Variants in CSMD2 observed in about 807,000 individuals in gnomAD.
CSMD2 encodes CUB and Sushi multiple domains 2, also known as CUB and sushi domain-containing protein 2.
In CSMD2, 130 loss-of-function variants were observed where a neutral mutation model predicts 398.5. The ratio of observed to expected loss-of-function variants is 0.33; its 90% CI spans 0.28 to 0.38. CSMD2 has a LOEUF of 0.38. CSMD2 is among the 10% of genes least tolerant of loss of function. The pLI is 1.00. For missense variants in CSMD2, 3,829 were observed against 4,764.9 expected (o/e 0.80, Z 5.78); for synonymous variants, 1,828 against 1,908.5 (o/e 0.96, Z 1.10).
chr1:33,557,617 GACACACACACACACAC>G (rs10579079), intron 55 of CSMD2, 101 bp downstream of exon 55: 273 of 661,336 alleles, frequency 4.1e-4, no homozygotes, highest in African/African-American at 3.3e-3. Context: ...TACATGTGCA[GACACACACACACACAC>G]ACACACACAC....
At chr1:34,141,020 G>C (rs1236396100) in intron 1 of CSMD2, among the ~76,000 whole-genome samples, 1 of 151,966 alleles carries the variant, frequency 6.6e-6, no homozygotes, top group Non-Finnish European at 1.5e-5. Flanking sequence ...TTCCTCCTGT[G>C]AATATAGGGC....
At chr1:33,770,935 C>T (rs1048683132) in intron 13 of CSMD2, among the ~76,000 whole-genome samples, 3 of 152,202 alleles carry the variant, frequency 2.0e-5, no homozygotes, top group African/African-American at 7.2e-5. Flanking sequence ...TGTTATAAAC[C>T]TGCTCCTAAG....
intron 25 of CSMD2, among the ~76,000 whole-genome samples, chr1:33,667,296 A>G (rs1190279532): frequency 6.6e-6 from 1 of 152,214 alleles, no homozygotes; most frequent in Non-Finnish European, 1.5e-5. Context: ...AATAGACATG[A>G]AGGAAAACGT....
chr1:33,848,563 C>G (rs1160723077), intron 5 of CSMD2, among the ~76,000 whole-genome samples: 1 of 152,132 alleles, frequency 6.6e-6, no homozygotes, highest in Non-Finnish European at 1.5e-5. Flanking sequence ...GGAAGACATC[C>G]AGCATAGTGG....
intron 2 of CSMD2, among the ~76,000 whole-genome samples, chr1:34,072,050 C>T (rs1655786504): frequency 6.6e-6 from 1 of 152,190 alleles, no homozygotes; most frequent in Non-Finnish European, 1.5e-5. Flanking sequence ...GGGACAGAAC[C>T]CAGCTCTCCA....
At chr1:34,100,664 A>C (rs1371745652) in intron 1 of CSMD2, among the ~76,000 whole-genome samples, 1 of 152,188 alleles carries the variant, frequency 6.6e-6, no homozygotes, top group Non-Finnish European at 1.5e-5. Flanking sequence ...CAGCATTTTA[A>C]ATGGATGCAC....
intron 25 of CSMD2, among the ~76,000 whole-genome samples, chr1:33,681,951 G>C (rs942412790): frequency 6.6e-6 from 1 of 152,186 alleles, no homozygotes; most frequent in African/African-American, 2.4e-5. Flanking sequence ...GGGCAACAGA[G>C]CGAGACTCCA....
intron 52 of CSMD2, 29 bp downstream of exon 52, chr1:33,569,345 G>T: frequency 6.3e-7 from 1 of 1,590,496 alleles, no homozygotes; most frequent in Non-Finnish European, 8.6e-7. Context: ...AGAAAAACTG[G>T]GCAGGATAGG....
chr1:33,934,747 G>A (rs1444384455), intron 4 of CSMD2, among the ~76,000 whole-genome samples: 1 of 150,862 alleles, frequency 6.6e-6, no homozygotes, highest in Non-Finnish European at 1.5e-5. Flanking sequence ...TGTAATCTCA[G>A]CACTTTGGGA....
chr1:33,830,133 A>G (rs1263261107), intron 6 of CSMD2, among the ~76,000 whole-genome samples: 3 of 152,208 alleles, frequency 2.0e-5, no homozygotes, highest in Non-Finnish European at 2.9e-5. Flanking sequence ...AAATGCCCCC[A>G]TCTGACAGCT....
At position 33,658,112 on chromosome 1, in the gene CSMD2, G is replaced by A. The variant is rs1365526667; in HGVS notation, c.4281C>T (p.Asp1427=). The part of the protein sequence containing the change: ...FSVSTATSCN[D]PGIPQNGSRS... ...GACTCCCATTCTGCGGGATCCCAGG[G>A]TCATTGCAGGACGTTGCTGTGGACA... The change falls in exon 27 of 71, where the codon GAC becomes GAT. Residue 1427 remains aspartate (D), a synonymous_variant. Transcript: ENST00000373381. The A allele has an allele frequency of 6.2e-7, 1 of 1,614,122 alleles. No individual in the cohort carries two copies. Among genetic ancestry groups the A allele is most frequent in the Non-Finnish European group, 8.5e-7 (1 of 1,180,000 alleles).
At chr1:33,665,564 G>A (rs754999218) in intron 25 of CSMD2, among the ~76,000 whole-genome samples, 2 of 148,734 alleles carry the variant, frequency 1.3e-5, no homozygotes, top group Non-Finnish European at 3.0e-5. Context: ...TGAGTAGCTG[G>A]GACCACAGTT....
intron 5 of CSMD2, among the ~76,000 whole-genome samples, chr1:33,861,709 G>A (rs1639524603): frequency 6.6e-6 from 1 of 152,224 alleles, no homozygotes; most frequent in South Asian, 2.1e-4. Context: ...TGAGGGCAGA[G>A]TGTGGGAAAG....
chr1:33,614,542 A>C lies in CSMD2; in HGVS notation c.6095T>G (p.Met2032Arg), dbSNP rs200604869. ...PGFPGNYPSN[M>R]DCSWKIALPV... ...CAGTGCTATTTTCCAGGAGCAGTCC[A>C]TGTTACTGGGGTAGTTGCCTGGGAA... The change falls in exon 40 of 71, where the codon ATG (methionine) becomes AGG (arginine). Residue 2032 changes from methionine to arginine, a missense_variant. Met to Arg is a moderately conservative substitution (Grantham distance 91). Around this residue, in one of 5 missense-constraint regions of CSMD2, gnomAD observed 2,001 missense variants for 2,567.1 expected, o/e 0.78. Transcript: ENST00000373381. The C allele has an allele frequency of 7.3e-5, 118 of 1,612,630 alleles. No homozygotes were observed. In the East Asian group the frequency reaches 2.6e-3, roughly 35 times the overall value.
intron 67 of CSMD2, among the ~76,000 whole-genome samples, chr1:33,521,923 A>G (rs1374149944): frequency 6.6e-6 from 1 of 152,194 alleles, no homozygotes; most frequent in East Asian, 1.9e-4. Context: ...TATAGGCCTT[A>G]CATGCATGGT....
chr1:33,716,195 C>A, intron 20 of CSMD2, 91 bp downstream of exon 20: 1 of 1,088,340 alleles, frequency 9.2e-7, no homozygotes, highest in Non-Finnish European at 1.4e-6. Context: ...GGATTAATAT[C>A]TATCTGCTAG....
chr1:33,852,494 C>T (rs1460096181), intron 5 of CSMD2, among the ~76,000 whole-genome samples: 1 of 152,228 alleles, frequency 6.6e-6, no homozygotes, highest in Non-Finnish European at 1.5e-5. Context: ...ATTCCCTCTA[C>T]CTGTAATGCC....
intron 19 of CSMD2, among the ~76,000 whole-genome samples, 166 bp from the exon 20 acceptor site, chr1:33,716,667 T>C (rs1646181442): frequency 6.6e-6 from 1 of 152,226 alleles, no homozygotes; most frequent in Non-Finnish European, 1.5e-5. Context: ...TGAAGGAACC[T>C]GAACACACAA....
At chr1:33,741,693 T>C (rs1441428607) in intron 14 of CSMD2, among the ~76,000 whole-genome samples, 2 of 152,180 alleles carry the variant, frequency 1.3e-5, no homozygotes, top group Non-Finnish European at 2.9e-5. Context: ...ATTTTTACAA[T>C]GGTAGAGAAA....
Sources: allele counts gnomAD v4.1 joint callset (sites outside exome capture counted in the v4.1 genomes callset), GRCh38; gene constraint gnomAD v4.1.1; regional missense constraint gnomAD v4.1.1; transcripts MANE v1.5; gene names NCBI Gene and HGNC (gene_info 2026-07-23, HGNC 2026-07-21).